EDIL3: variants seen among roughly 807,000 people sequenced by gnomAD.
The protein encoded by EDIL3 is EGF like and discoidin domains 3.
A neutral mutation model predicts 67.4 loss-of-function variants in EDIL3; 37 were observed. The observed-to-expected ratio is 0.55, with a 90% CI of 0.42 to 0.72. EDIL3 has a LOEUF of 0.72. Ranked by LOEUF, EDIL3 falls within the 30% of genes least tolerant of loss-of-function variation. The pLI is 0.00. For missense variants in EDIL3, 527 were observed against 586.3 expected (o/e 0.90, Z 1.04); for synonymous variants, 195 against 196.3 (o/e 0.99, Z 0.05).
chr5:84,339,753 T>C (rs569050407), intron 1 of EDIL3, among the ~76,000 whole-genome samples: 1 of 152,114 alleles, frequency 6.6e-6, no homozygotes, highest in Admixed American at 6.6e-5. Context: ...CTTTAATACA[T>C]GTATAAGTAG....
intron 9 of EDIL3, among the ~76,000 whole-genome samples, chr5:83,973,456 G>C (rs1744825518): frequency 6.6e-6 from 1 of 152,060 alleles, no homozygotes; most frequent in Non-Finnish European, 1.5e-5. Context: ...GGACCTGAAA[G>C]AGTTTGTTAT....
chr5:84,106,501 G>T, intron 6 of EDIL3, 148 bp downstream of exon 6: 2 of 887,388 alleles, frequency 2.3e-6, no homozygotes, highest in South Asian at 5.6e-5. Flanking sequence ...CTCAGAATTG[G>T]GAGCTAATTT....
At chr5:84,056,199 T>A (rs1262558776) in intron 9 of EDIL3, among the ~76,000 whole-genome samples, 1 of 152,108 alleles carries the variant, frequency 6.6e-6, no homozygotes, top group Non-Finnish European at 1.5e-5. Context: ...GGAAACATCA[T>A]TCTCAGCAAA....
intron 4 of EDIL3, among the ~76,000 whole-genome samples, chr5:84,172,428 A>G (rs1025371309): frequency 6.6e-6 from 1 of 151,998 alleles, no homozygotes; most frequent in Non-Finnish European, 1.5e-5. Flanking sequence ...TAAAAAATAC[A>G]AAAATTAGCT....
chr5:84,354,491 T>C (rs955999454), intron 1 of EDIL3, among the ~76,000 whole-genome samples: 1 of 151,918 alleles, frequency 6.6e-6, no homozygotes, highest in African/African-American at 2.4e-5. Flanking sequence ...ACCCTGTCTC[T>C]ACTAAAAATA....
chr5:84,091,024 A>C (rs2112267741), intron 6 of EDIL3, among the ~76,000 whole-genome samples: 1 of 152,240 alleles, frequency 6.6e-6, no homozygotes, highest in Admixed American at 6.5e-5. Context: ...GCCTTAAGAA[A>C]ATCCAAGACT....
chr5:84,218,677 C>T (rs1323373984), intron 3 of EDIL3, among the ~76,000 whole-genome samples: 2 of 152,196 alleles, frequency 1.3e-5, no homozygotes, highest in Non-Finnish European at 2.9e-5. Flanking sequence ...GAGGGGAGAC[C>T]GCTGCCCTGA....
intron 1 of EDIL3, among the ~76,000 whole-genome samples, chr5:84,317,117 A>G (rs762172965): frequency 2.0e-5 from 3 of 152,348 alleles, no homozygotes; most frequent in South Asian, 2.1e-4. Context: ...AGCAGTGTGT[A>G]GAGGGAAATT....
At chr5:84,139,473 AACAC>A (rs1748151824) in intron 4 of EDIL3, among the ~76,000 whole-genome samples, 1 of 152,196 alleles carries the variant, frequency 6.6e-6, no homozygotes, top group South Asian at 2.1e-4. Flanking sequence ...ATATTGGACT[AACAC>A]ACAAACCATT....
At chr5:84,265,208 G>A (rs543157117) in intron 1 of EDIL3, among the ~76,000 whole-genome samples, 3 of 152,192 alleles carry the variant, frequency 2.0e-5, no homozygotes, top group African/African-American at 7.2e-5. Flanking sequence ...TAAGACAGCA[G>A]TAGAATGTCT....
intron 4 of EDIL3, among the ~76,000 whole-genome samples, chr5:84,172,451 A>G (rs958819403): frequency 2.0e-5 from 3 of 151,944 alleles, no homozygotes; most frequent in Admixed American, 6.6e-5. Flanking sequence ...GCATGGTGGC[A>G]TGCCTATGGT....
At chr5:84,214,114 G>T (rs1744180521) in intron 3 of EDIL3, among the ~76,000 whole-genome samples, 1 of 152,088 alleles carries the variant, frequency 6.6e-6, no homozygotes, top group South Asian at 2.1e-4. Context: ...CACTGCTGTG[G>T]TTTCCTACCA....
intron 5 of EDIL3, among the ~76,000 whole-genome samples, chr5:84,117,595 G>T (rs572144256): frequency 1.4e-4 from 21 of 150,230 alleles, no homozygotes; most frequent in Admixed American, 2.0e-4. Context: ...AAAAATATAT[G>T]ACAAATGCAA....
intron 4 of EDIL3, among the ~76,000 whole-genome samples, chr5:84,148,289 G>A (rs1298017844): frequency 6.6e-6 from 1 of 152,134 alleles, no homozygotes; most frequent in African/African-American, 2.4e-5. Context: ...TATCATCAGA[G>A]TAAATAAATG....
chr5:84,255,790 C>T (rs550606006), intron 1 of EDIL3, among the ~76,000 whole-genome samples: 1 of 152,212 alleles, frequency 6.6e-6, no homozygotes, highest in South Asian at 2.1e-4. Context: ...AGTGCTGGAG[C>T]AGACCTTAGA....
At position 83,941,643 on chromosome 5, in the gene EDIL3, A is replaced by T. The variant is rs1744225273; in HGVS notation, c.*1776T>A. On this transcript the variant is annotated 3_prime_UTR_variant, in exon 11 of 11. Coordinates refer to ENST00000296591, the MANE Select transcript of EDIL3 (RefSeq NM_005711.5). ...AAAATCCTAACTTTAAAGTTATCTA[A>T]AAAAGGCAATATGGAGGAAATAGTA... 1 of 151,958 alleles carries T rather than the reference A, an allele frequency of 6.6e-6. No individual in the cohort carries two copies. Among genetic ancestry groups the T allele is most frequent in the Non-Finnish European group, 1.5e-5 (1 of 67,918 alleles). 9.4% of individuals were successfully genotyped at this position (151,958 alleles called of 1,614,324 possible).
At chr5:83,949,339 A>T (rs1226520041) in intron 10 of EDIL3, among the ~76,000 whole-genome samples, 1 of 151,864 alleles carries the variant, frequency 6.6e-6, no homozygotes, top group Non-Finnish European at 1.5e-5. Context: ...ATGAAAAAAA[A>T]TTCAACCAAA....
intron 6 of EDIL3, among the ~76,000 whole-genome samples, chr5:84,083,059 C>A (rs1400365004): frequency 8.5e-5 from 13 of 152,092 alleles, no homozygotes; most frequent in Non-Finnish European, 1.5e-4. Flanking sequence ...ATTTCTATAG[C>A]AGGGATGAAT....
intron 3 of EDIL3, among the ~76,000 whole-genome samples, chr5:84,221,632 C>T (rs963045096): frequency 6.6e-6 from 1 of 152,002 alleles, no homozygotes. Flanking sequence ...AAAGCCACAT[C>T]TTTAGAAGCA....
Sources: gnomAD v4.1 joint callset for allele counts (sites outside exome capture counted in the v4.1 genomes callset) on GRCh38, gnomAD v4.1.1 for gene constraint, MANE v1.5 for transcripts, NCBI Gene and HGNC (gene_info 2026-07-23, HGNC 2026-07-21) for gene names.